The following ZBTB18 variants were observed in gnomAD, a reference collection of about 807,000 sequenced individuals.
ZBTB18 encodes zinc finger and BTB domain-containing protein 18.
Under a neutral mutation model 37.7 loss-of-function variants are expected in ZBTB18, and 2 were observed. The ratio of observed to expected loss-of-function variants is 0.05; its 90% CI spans 0.02 to 0.17. The LOEUF (loss-of-function observed/expected upper bound fraction) is 0.17, where lower values mean the gene tolerates loss of function less well. Among genes scored for constraint, ZBTB18 ranks in the 10% least tolerant of loss-of-function variants. The pLI, the probability that ZBTB18 is intolerant of heterozygous loss-of-function variation, is 1.00. For missense variants in ZBTB18, 408 were observed against 686.3 expected (o/e 0.59, Z 4.53); for synonymous variants, 304 against 276.5 (o/e 1.10, Z -0.99).
At chr1:244,051,815 T>C (rs527552167) in intron 1 of ZBTB18, among the ~76,000 whole-genome samples, 4 of 152,258 alleles carry the variant, frequency 2.6e-5, no homozygotes, top group East Asian at 1.9e-4. Context: ...TTCAAACTTA[T>C]ATGAGAAGAT....
Position 244,053,453 on chromosome 1 carries a change from G to A in ZBTB18, c.14-335G>A, listed in dbSNP as rs565374634. On this transcript the variant is annotated intron_variant, in intron 1 of 1. Transcript: ENST00000358704. This position sits in a 1 kb window ranked among gnomAD's most constrained non-coding sequence, Gnocchi z 5.2. ...GGTTTTGTGGGACATAATTTGATAA[G>A]TAGAGTTAATTAAATTTCTTCTGGA... 1.9e-4 allele frequency among the ~76,000 whole-genome samples: 29 copies of A among 152,280 alleles called. No individual in the cohort carries two copies. Among genetic ancestry groups the A allele is most frequent in the African/African-American group, 6.0e-4 (25 of 41,560 alleles).
upstream of ZBTB18, among the ~76,000 whole-genome samples, chr1:244,049,312 C>T (rs1266634392): frequency 1.4e-5 from 2 of 147,146 alleles, no homozygotes; most frequent in Admixed American, 1.3e-4. Flanking sequence ...GGGCGGGCTC[C>T]CGGCCGGTGC....
chr1:244,049,577 A>T (rs952678243), upstream of ZBTB18, among the ~76,000 whole-genome samples: 1 of 151,970 alleles, frequency 6.6e-6, no homozygotes, highest in Non-Finnish European at 1.5e-5. Flanking sequence ...GCTGCTTCTT[A>T]CGACTTTTCT....
At chr1:244,050,320 A>G (rs2148552990), upstream of ZBTB18, among the ~76,000 whole-genome samples, 2 of 152,290 alleles carry the variant, frequency 1.3e-5, no homozygotes, top group Middle Eastern at 6.8e-3. Context: ...GGGTCGCGTT[A>G]CAGTTTCATC....
chr1:244,052,132 A>G (rs1297040592), intron 1 of ZBTB18, among the ~76,000 whole-genome samples: 1 of 152,224 alleles, frequency 6.6e-6, no homozygotes, highest in Non-Finnish European at 1.5e-5. Context: ...TTGGCCAGAC[A>G]GCTGTAATCG....
In ZBTB18 at chr1:244,055,384, TAAA is replaced by T; in HGVS notation, c.*15_*17del. 1 of 761,458 alleles carries T rather than the reference TAAA, an allele frequency of 1.3e-6. No homozygotes were observed. The highest frequency in any genetic ancestry group is 1.8e-6 in the Non-Finnish European group (1 of 556,108). The allele number at this position is 761,458 out of a possible 1,614,324, so 47.2% of individuals were successfully genotyped here. ...CTTTGGAAATAATTTTATATATATATAAATAATATATATATATATACATATATA... is the reference window on the plus strand; with the variant it reads ...CTTTGGAAATAATTTTATATATATATTAATATATATATATATACATATATA... On this transcript the variant is annotated 3_prime_UTR_variant, in exon 2 of 2. Transcript: ENST00000358704. The surrounding 1 kb of genome is among the most constrained non-coding windows in gnomAD (Gnocchi z 7.0).
chr1:244,055,019 T>C lies in ZBTB18; in HGVS notation c.1245T>C (p.Asp415=), dbSNP rs1211480994. 1.9e-6 allele frequency: 3 copies of C among 1,614,050 alleles called. No individual in the cohort carries two copies. Among genetic ancestry groups the C allele is most frequent in the East Asian group, 2.2e-5 (1 of 44,902 alleles). ...GCATCCGCAGCAAGCCCGCCGCCGA[T>C]GTCAACGTGCCCACGTGCTCGCTGT... ...QDGIRSKPAA[D]VNVPTCSLCG... Residue 415 remains aspartate, a synonymous_variant, in exon 2 of 2, where the codon GAT becomes GAC. Transcript: ENST00000358704. This position sits in a 1 kb window ranked among gnomAD's most constrained non-coding sequence, Gnocchi z 7.0.
At position 244,054,446 on chromosome 1, in the gene ZBTB18, C is replaced by T. The variant is rs1169621858; in HGVS notation, c.672C>T (p.Pro224=). Residue 224 remains proline, a synonymous_variant, in exon 2 of 2, where the codon CCC becomes CCT. Coordinates refer to ENST00000358704, the MANE Select transcript of ZBTB18 (RefSeq NM_205768.3). This position sits in a 1 kb window ranked among gnomAD's most constrained non-coding sequence, Gnocchi z 9.0. The stretch of plus-strand genomic sequence containing the variant: ...CAGCTGGAAAAACAGTAGCCAGCCC[C>T]TGCAGCTCAACAGAGTCTTTGTCCC... ...ATAAGKTVAS[P]CSSTESLSQR... 6.2e-7 allele frequency: 1 copy of T among 1,614,094 alleles called. No individual in the cohort carries two copies. The highest frequency in any genetic ancestry group is 8.5e-7 in the Non-Finnish European group (1 of 1,180,046).
intron 1 of ZBTB18, among the ~76,000 whole-genome samples, chr1:244,052,362 G>C (rs543934806): frequency 6.6e-6 from 1 of 152,320 alleles, no homozygotes; most frequent in East Asian, 1.9e-4. Context: ...TGATTGTATT[G>C]TAAATCTTAG....
rs1278604784 is a variant in ZBTB18 at position 244,053,816 on chromosome 1, C to T, written c.42C>T (p.Asp14=). The T allele has an allele frequency of 6.2e-7, 1 of 1,613,808 alleles. No homozygotes were observed. The highest frequency in any genetic ancestry group is 1.3e-5 in the African/African-American group (1 of 74,886). ...KGYEDSMEFP[D]HSRHLLQCLS... Reference sequence around the variant, plus strand: ...ATGAAGACAGTATGGAGTTTCCAGACCATAGTAGACATTTGCTACAGTGTC... The same window carrying T: ...ATGAAGACAGTATGGAGTTTCCAGATCATAGTAGACATTTGCTACAGTGTC... Residue 14 remains aspartate, a synonymous_variant, in exon 2 of 2, where the codon GAC becomes GAT. Coordinates refer to ENST00000358704, the MANE Select transcript of ZBTB18 (RefSeq NM_205768.3). The surrounding 1 kb of genome is among the most constrained non-coding windows in gnomAD (Gnocchi z 5.2).
rs745977949 is a variant in ZBTB18, at chr1:244,054,992, C to T, written c.1218C>T (p.Asp406=). 2.4e-5 allele frequency: 38 copies of T among 1,614,104 alleles called. No homozygotes were observed. The highest frequency in any genetic ancestry group is 2.9e-5 in the Non-Finnish European group (34 of 1,180,026). Residue 406 remains aspartate, a synonymous_variant, in exon 2 of 2, where the codon GAC becomes GAT. Transcript: ENST00000358704. The surrounding 1 kb of genome is among the most constrained non-coding windows in gnomAD (Gnocchi z 9.0). The stretch of plus-strand genomic sequence containing the variant: ...TGAGCACGCACTTCCGCGAGCAGGA[C>T]GGCATCCGCAGCAAGCCCGCCGCCG... The part of the protein sequence containing the change: ...IHLSTHFREQ[D]GIRSKPAADV...
chr1:244,051,156 T>A (rs1698341580), upstream of ZBTB18: 1 of 392,872 alleles, frequency 2.5e-6, no homozygotes, highest in Non-Finnish European at 4.5e-6. Context: ...GGCAGGAGTG[T>A]AGAGGAGTAG....
chr1:244,054,090 G>A lies in ZBTB18; in HGVS notation c.316G>A (p.Val106Met). 1.2e-6 allele frequency: 2 copies of A among 1,614,086 alleles called. No homozygotes were observed. Among genetic ancestry groups the A allele is most frequent in the Non-Finnish European group, 1.7e-6 (2 of 1,180,032 alleles). ...GTTCAAAGACTTGCCCATTGAAGACGTGCTAGCAGCTGCCAGTTATCTCCA... is the reference window on the plus strand; with the variant it reads ...GTTCAAAGACTTGCCCATTGAAGACATGCTAGCAGCTGCCAGTTATCTCCA... ...LQFKDLPIED[V>M]LAAASYLHMY... Residue 106 changes from valine to methionine, a missense_variant, in exon 2 of 2, where the codon GTG becomes ATG. Val to Met is a conservative substitution (Grantham distance 21). Transcript: ENST00000358704. The surrounding 1 kb of genome is among the most constrained non-coding windows in gnomAD (Gnocchi z 9.0).
rs770802444 is a variant in ZBTB18 at position 244,053,912 on chromosome 1, G to A, written c.138G>A (p.Ala46=). The change falls in exon 2 of 2, where the codon GCG becomes GCA. Residue 46 remains alanine (A), a synonymous_variant. Transcript: ENST00000358704. This position sits in a 1 kb window ranked among gnomAD's most constrained non-coding sequence, Gnocchi z 5.2. The part of the protein sequence containing the change: ...TVLVGDAQFR[A]HRAVLASCSM... ...TGGTGGGAGATGCCCAGTTCCGAGC[G>A]CACCGAGCTGTACTGGCTTCATGCA... 21 of 1,613,970 alleles carry A rather than the reference G, an allele frequency of 1.3e-5. No individual in the cohort carries two copies. The highest frequency in any genetic ancestry group is 3.3e-5 in the South Asian group (3 of 91,072).
chr1:244,055,247 C>T lies in ZBTB18; in HGVS notation c.1473C>T (p.Tyr491=), dbSNP rs376898131. The change falls in exon 2 of 2, where the codon TAC becomes TAT. Residue 491 remains tyrosine, a synonymous_variant. Transcript: ENST00000358704. The surrounding 1 kb of genome is among the most constrained non-coding windows in gnomAD (Gnocchi z 7.0). ...GGTTCACGCAGTCCGGGGACCTGTA[C>T]AGACACATTCGCAAGTTCCACTGTG... The part of the protein sequence containing the change: ...ERRFTQSGDL[Y]RHIRKFHCEL... 3.1e-6 allele frequency: 5 copies of T among 1,613,940 alleles called. No individual in the cohort carries two copies. The African/African-American group carries it at 5.3e-5, about 17-fold the overall frequency.
chr1:244,048,816 G>A, upstream of ZBTB18: 1 of 149,952 alleles, frequency 6.7e-6, no homozygotes, highest in East Asian at 2.0e-4. Flanking sequence ...GGGAGGGAGG[G>A]GCGGGGGGGA....
rs774394635 is a variant in ZBTB18, at chr1:244,054,987, C to G, written c.1213C>G (p.Gln405Glu). 1 of 1,614,102 alleles carries G rather than the reference C, an allele frequency of 6.2e-7. No homozygotes were observed. Among genetic ancestry groups the G allele is most frequent in the Non-Finnish European group, 8.5e-7 (1 of 1,180,032 alleles). Residue 405 changes from glutamine (Q) to glutamate (E), a missense_variant, in exon 2 of 2, where the codon CAG becomes GAG. Transcript: ENST00000358704. This position sits in a 1 kb window ranked among gnomAD's most constrained non-coding sequence, Gnocchi z 9.0. ...CCACCTGAGCACGCACTTCCGCGAG[C>G]AGGACGGCATCCGCAGCAAGCCCGC... ...QIHLSTHFRE[Q>E]DGIRSKPAAD... is the part of the protein sequence containing the mutation.
chr1:244,055,364 G>A lies in ZBTB18; in HGVS notation c.1590G>A (p.Trp530Ter). 1.5e-6 allele frequency: 2 copies of A among 1,317,312 alleles called. No individual in the cohort carries two copies. The highest frequency in any genetic ancestry group is 1.8e-5 in the South Asian group (1 of 56,908). The allele number at this position is 1,317,312 out of a possible 1,614,324, so 81.6% of individuals were successfully genotyped here. The change falls in exon 2 of 2, where the codon TGG becomes TGA. Residue 530 changes from tryptophan to a stop codon, truncating the protein, a stop_gained. Transcript: ENST00000358704. LOFTEE classifies it high-confidence loss of function. The surrounding 1 kb of genome is among the most constrained non-coding windows in gnomAD (Gnocchi z 7.0). ...TAGAAGATAGCTCTCAAGAACTTTG[G>A]AAATAATTTTATATATATATAAATA... ...WTLEDSSQEL[W>*]K
Position 244,053,310 on chromosome 1 carries a change from T to A in ZBTB18, c.14-478T>A, listed in dbSNP as rs1339625264. Among the ~76,000 whole-genome samples the A allele has an allele frequency of 6.6e-6, 1 of 152,200 alleles. No individual in the cohort carries two copies. The highest frequency in any genetic ancestry group is 2.4e-5 in the African/African-American group (1 of 41,452). On this transcript the variant is annotated intron_variant, in intron 1 of 1. Coordinates refer to ENST00000358704, the MANE Select transcript of ZBTB18 (RefSeq NM_205768.3). This position sits in a 1 kb window ranked among gnomAD's most constrained non-coding sequence, Gnocchi z 5.2. ...ACTGTGCTTTCTAAGCACAGTCAGG[T>A]AGCAAAAGTAATAAAAAGGATGGTT...
Sources: gnomAD v4.1 joint callset for allele counts (sites outside exome capture counted in the v4.1 genomes callset) on GRCh38, gnomAD v4.1.1 for gene constraint, Gnocchi (gnomAD v3.1) non-coding constraint, MANE v1.5 for transcripts, NCBI Gene and HGNC (gene_info 2026-07-23, HGNC 2026-07-21) for gene names.